The following MACF1 variants were observed in gnomAD, a reference collection of about 807,000 sequenced individuals.
MACF1 encodes the protein microtubule actin crosslinking factor 1, also known as microtubule-actin cross-linking factor 1.
MACF1 carries 193 observed loss-of-function variants against 854.8 expected under a neutral mutation model. The observed-to-expected ratio is 0.23, with a 90% confidence interval of 0.20 to 0.25. The LOEUF (loss-of-function observed/expected upper bound fraction) is 0.25. Ranked by LOEUF, MACF1 falls within the 10% of genes least tolerant of loss-of-function variation. MACF1 has a pLI of 1.00. For synonymous variants in MACF1, 3,185 were observed against 3,226.7 expected (o/e 0.99, Z 0.44); for missense variants, 7,722 against 8,929.1 (o/e 0.86, Z 5.45).
intron 71 of MACF1, 77 bp downstream of exon 71, chr1:39,438,085 GATTT>G (rs1644019214): frequency 7.6e-7 from 1 of 1,322,442 alleles, no homozygotes; most frequent in Admixed American, 2.2e-5. Flanking sequence ...CATCCCACCA[GATTT>G]ATTTATTTCT....
chr1:39,412,247 C>G, intron 58 of MACF1: 1 of 1,613,946 alleles, frequency 6.2e-7, no homozygotes, highest in Non-Finnish European at 8.5e-7. Context: ...CATGAACTAA[C>G]AGATGTTACC....
rs770547539 is a variant in MACF1 at position 39,424,171 on chromosome 1, A to G, written c.16293A>G (p.Glu5431=). Residue 5431 remains glutamate, a synonymous_variant, in exon 61 of 101, where the codon GAA becomes GAG. Transcript: ENST00000564288. ...QLESLESRWT[E]LLSKAAARQK... ...AGAGTCTTGAAAGTAGATGGACTGA[A>G]CTACTCAGTAAGGCAGCAGCCAGGT... 2 of 1,613,722 alleles carry G rather than the reference A, an allele frequency of 1.2e-6. No individual in the cohort carries two copies. The highest frequency in any genetic ancestry group is 1.7e-6 in the Non-Finnish European group (2 of 1,179,888).
In MACF1 at chr1:39,119,938, C is replaced by G. The variant is rs1348131852; in HGVS notation, c.220+35500C>G. 3.9e-5 allele frequency among the ~76,000 whole-genome samples: 5 copies of G among 126,712 alleles called. No homozygotes were observed. In the South Asian group the frequency reaches 1.3e-3, roughly 32 times the overall value. The allele number at this position is 126,712 out of a possible 152,430, so 83.1% of individuals were successfully genotyped here. ...TCTTGTTGCCCAGGCTAAAGAAGTG[C>G]AATGGCATGATCTCGGCTCACCGCA... is the stretch of plus-strand genomic sequence containing the variant. On this transcript the variant is annotated intron_variant, in intron 2 of 93. Coordinates refer to the MACF1 transcript ENST00000361689.
Position 39,333,427 on chromosome 1 carries a change from T to C in MACF1, c.6839T>C (p.Leu2280Pro). The change falls in exon 37 of 101, where the codon CTT becomes CCT. Residue 2280 changes from leucine to proline, a missense_variant. Transcript: ENST00000564288. ...TCATGCAGTCATCCATTAGAATTGC[T>C]TGAAGAAGCTACCTTAAATGTATTA... ...FLSCSHPLELLEEATLNVLSA... is the reference protein window; with the variant it reads ...FLSCSHPLELPEEATLNVLSA... 1.2e-6 allele frequency: 2 copies of C among 1,614,202 alleles called. No individual in the cohort carries two copies. Among genetic ancestry groups the C allele is most frequent in the Non-Finnish European group, 1.7e-6 (2 of 1,180,022 alleles).
chr1:39,150,708 A>G (rs1643561901), intron 2 of MACF1, among the ~76,000 whole-genome samples: 1 of 152,114 alleles, frequency 6.6e-6, no homozygotes, highest in Admixed American at 6.5e-5. Context: ...GCCAAATCCA[A>G]TGGTAAATTT....
chr1:39,228,175 T>C (rs1035103185), intron 1 of MACF1, among the ~76,000 whole-genome samples: 1 of 151,948 alleles, frequency 6.6e-6, no homozygotes, highest in East Asian at 1.9e-4. Context: ...CCGGACGTGG[T>C]GGGTGGGCAC....
intron 2 of MACF1, among the ~76,000 whole-genome samples, chr1:39,148,300 T>C (rs894805057): frequency 7.2e-5 from 11 of 152,226 alleles, no homozygotes; most frequent in African/African-American, 2.4e-4. Flanking sequence ...GAGTTCCTGC[T>C]TTCTCCAGAT....
intron 58 of MACF1, among the ~76,000 whole-genome samples, chr1:39,421,262 C>G (rs575091189): frequency 6.6e-5 from 10 of 152,256 alleles, no homozygotes; most frequent in Non-Finnish European, 1.3e-4. Flanking sequence ...TGTAGTAGAG[C>G]AAAATATACA....
chr1:39,281,025 C>T (rs935151527), intron 6 of MACF1, among the ~76,000 whole-genome samples: 148 of 152,288 alleles, frequency 9.7e-4, no homozygotes, highest in African/African-American at 3.4e-3. Context: ...GGGTTAGGTG[C>T]TTTAATGTGT....
At position 39,422,523 on chromosome 1, in the gene MACF1, A is replaced by G. The variant is rs147443359; in HGVS notation, c.15966A>G (p.Thr5322=). The change falls in exon 59 of 101, where the codon ACA becomes ACG. Residue 5322 remains threonine, a synonymous_variant. Transcript: ENST00000564288. The stretch of plus-strand genomic sequence containing the variant: ...AAGAGATCAATGCTCGATGGAATAC[A>G]TTGAATAAAAAGGTGAGTGACAATG... ...DMEEINARWN[T]LNKKVAQRIA... is the part of the protein sequence containing the mutation. The G allele has an allele frequency of 1.9e-5, 30 of 1,611,012 alleles. No individual in the cohort carries two copies. Among genetic ancestry groups the G allele is most frequent in the African/African-American group, 1.6e-4 (12 of 74,850 alleles).
chr1:39,444,931 G>A, intron 80 of MACF1, 96 bp downstream of exon 80: 1 of 1,157,396 alleles, frequency 8.6e-7, no homozygotes, highest in Admixed American at 2.5e-5. Context: ...TGAAGACCAG[G>A]GTATTGTAAC....
chr1:39,485,713 G>C lies in MACF1; in HGVS notation c.22587G>C (p.Gly7529=). The C allele has an allele frequency of 1.9e-6, 3 of 1,613,920 alleles. No homozygotes were observed. Among genetic ancestry groups the C allele is most frequent in the South Asian group, 1.1e-5 (1 of 91,074 alleles). The change falls in exon 101 of 101, where the codon GGG becomes GGC. Residue 7529 remains glycine (G), a synonymous_variant. Coordinates refer to ENST00000564288, the MANE Select transcript of MACF1 (RefSeq NM_001394062.1). ...GGGGCCAAGGCAACTCCAGGAGAGG[G>C]CTAAACAAACCTTCCAAAATCCCAA... ...AAGGQGNSRR[G]LNKPSKIPTM...
intron 1 of MACF1, among the ~76,000 whole-genome samples, chr1:39,228,081 C>A (rs1447860768): frequency 6.6e-6 from 1 of 152,110 alleles, no homozygotes; most frequent in Non-Finnish European, 1.5e-5. Context: ...GAGGCCAACG[C>A]GGGTGGATCA....
chr1:39,292,856 C>T lies in MACF1; in HGVS notation c.1992+13C>T, dbSNP rs370188162. On this transcript the variant is annotated intron_variant, in intron 17 of 100. Transcript: ENST00000564288. The stretch of plus-strand genomic sequence containing the variant: ...TTGTAAATTGAAGGTGAGTTTCTGC[C>T]GATTCTCTTACATTCTGCTCATAGA... 31 of 1,605,126 alleles carry T rather than the reference C, an allele frequency of 1.9e-5. No individual in the cohort carries two copies. Among genetic ancestry groups the T allele is most frequent in the African/African-American group, 6.7e-5 (5 of 74,672 alleles).
In MACF1 at chr1:39,409,145, C is replaced by G. The variant is rs1642862614; in HGVS notation, c.15817-13229C>G. ...GAGGAGGACTCGCCCCCCGCCCGAC[C>G]CTAGCGGAGCCTTTTGTTCCCAGCC... On this transcript the variant is annotated intron_variant, in intron 58 of 100. Coordinates refer to ENST00000564288, the MANE Select transcript of MACF1 (RefSeq NM_001394062.1). This position sits in a 1 kb window ranked among gnomAD's most constrained non-coding sequence, Gnocchi z 4.2. Among the ~76,000 whole-genome samples the G allele has an allele frequency of 1.3e-5, 2 of 151,982 alleles. No homozygotes were observed. Among genetic ancestry groups the G allele is most frequent in the Admixed American group, 1.3e-4 (2 of 15,278 alleles).
At chr1:39,281,127 G>T (rs1255325479) in intron 6 of MACF1, among the ~76,000 whole-genome samples, 2 of 152,152 alleles carry the variant, frequency 1.3e-5, no homozygotes, top group Non-Finnish European at 2.9e-5. Flanking sequence ...CCTGCATTAT[G>T]ATCTCCCTAA....
At chr1:39,212,316 G>A (rs978070213) in intron 1 of MACF1, among the ~76,000 whole-genome samples, 9 of 152,200 alleles carry the variant, frequency 5.9e-5, no homozygotes, top group Non-Finnish European at 1.2e-4. Context: ...CATTGCAGCA[G>A]AACTTGCCTC....
In MACF1 at chr1:39,428,167, G is replaced by A. The variant is rs1434456008; in HGVS notation, c.16683G>A (p.Leu5561=). 6.2e-7 allele frequency: 1 copy of A among 1,614,118 alleles called. No homozygotes were observed. Among genetic ancestry groups the A allele is most frequent in the Non-Finnish European group, 8.5e-7 (1 of 1,180,040 alleles). ...LLDQALSNAR[L]FGEDEVEVLN... ...ACCAAGCTCTGTCTAATGCTAGGCT[G>A]TTTGGGGAGGATGAGGTGGAGGTGC... Residue 5561 remains leucine (L), a synonymous_variant, in exon 63 of 101, where the codon CTG becomes CTA. Transcript: ENST00000564288.
intron 80 of MACF1, among the ~76,000 whole-genome samples, chr1:39,445,639 A>G (rs1454439543): frequency 1.3e-5 from 2 of 152,340 alleles, no homozygotes; most frequent in East Asian, 3.9e-4. Context: ...TATATTAAGA[A>G]TGGCTAAAGG....
Sources: allele counts gnomAD v4.1 joint callset (sites outside exome capture counted in the v4.1 genomes callset), GRCh38; gene constraint gnomAD v4.1.1; non-coding constraint Gnocchi (gnomAD v3.1); transcripts MANE v1.5; gene names NCBI Gene and HGNC (gene_info 2026-07-23, HGNC 2026-07-21).